ANXA11: variants seen among roughly 807,000 people sequenced by gnomAD.
ANXA11 encodes the protein annexin A11, also known as 56 kDa autoantigen.
Under a neutral mutation model 64.7 loss-of-function variants are expected in ANXA11, and 57 were observed. The ratio of observed to expected loss-of-function variants is 0.88; its 90% CI spans 0.71 to 1.10. The LOEUF (loss-of-function observed/expected upper bound fraction) is 1.10, where lower values mean the gene tolerates loss of function less well. ANXA11 is among the 50% of genes least tolerant of loss of function. The probability of loss-of-function intolerance (pLI) is 0.00; values close to 1 mark genes in which losing one functional copy is unlikely to be tolerated. For missense variants in ANXA11, 675 were observed against 670.7 expected (o/e 1.01, Z -0.07); for synonymous variants, 260 against 265.2 (o/e 0.98, Z 0.19).
intron 3 of ANXA11, 89 bp downstream of exon 3, chr10:80,172,718 G>A: frequency 7.7e-7 from 1 of 1,304,554 alleles, no homozygotes; most frequent in Non-Finnish European, 1.1e-6. Context: ...GGGAGGAGGG[G>A]AGTGAGGAAA....
At chr10:80,198,945 C>T (rs1840290120) in intron 1 of ANXA11, among the ~76,000 whole-genome samples, 1 of 152,152 alleles carries the variant, frequency 6.6e-6, no homozygotes, top group Admixed American at 6.5e-5. Context: ...GGTATGTCAA[C>T]AGTCAGAATT....
intron 1 of ANXA11, among the ~76,000 whole-genome samples, chr10:80,203,531 A>G (rs1281898307): frequency 6.6e-6 from 1 of 152,176 alleles, no homozygotes; most frequent in Non-Finnish European, 1.5e-5. Context: ...TCAACTAACG[A>G]CAACTAATTT....
rs1039018387 is a variant in ANXA11, at chr10:80,168,257, G to T, written c.561+712C>A. 2.0e-5 allele frequency among the ~76,000 whole-genome samples: 3 copies of T among 146,834 alleles called. No individual in the cohort carries two copies. The East Asian group carries it at 5.9e-4, about 29-fold the overall frequency. On this transcript the variant is annotated intron_variant, in intron 5 of 15. Coordinates refer to ENST00000422982, the MANE Select transcript of ANXA11 (RefSeq NM_145868.2). ...CCTCCAAAACCTGTCTGTGCCGGGG[G>T]GGGCGGGGGTGGTGCATATCAAGGG... is the stretch of plus-strand genomic sequence containing the variant.
chr10:80,178,421 C>T lies in ANXA11; in HGVS notation c.-57-2266G>A, dbSNP rs373320731. Among the ~76,000 whole-genome samples the T allele has an allele frequency of 1.4e-4, 21 of 152,346 alleles. No individual in the cohort carries two copies. In the South Asian group the frequency reaches 4.3e-3, roughly 32 times the overall value. On this transcript the variant is annotated intron_variant, in intron 1 of 15. Transcript: ENST00000422982. ...CTCACTGGAGAGGGCCTCCTGCACA[C>T]AGCAGGCAGCTGGCCTCCTTAAGGA...
At chr10:80,201,638 G>A (rs955958063) in intron 1 of ANXA11, among the ~76,000 whole-genome samples, 10 of 152,180 alleles carry the variant, frequency 6.6e-5, no homozygotes, top group Admixed American at 2.6e-4. Flanking sequence ...CACGCAGGGC[G>A]AGGCCAACAG....
At position 80,152,139 on chromosome 10, in the gene ANXA11, G is replaced by A. The variant is rs1429530867; in HGVS notation, c.*3714C>T. The stretch of plus-strand genomic sequence containing the variant: ...AGCTGCTGAAAATTCTCTCAGGGCT[G>A]AATTCATCTGGTGCTTCTATTTTAG... On this transcript the variant is annotated 3_prime_UTR_variant, in exon 16 of 16. Transcript: ENST00000422982. 6.6e-6 allele frequency: 1 copy of A among 152,232 alleles called. No homozygotes were observed. Among genetic ancestry groups the A allele is most frequent in the African/African-American group, 2.4e-5 (1 of 41,470 alleles). The allele number at this position is 152,232 out of a possible 1,614,324, so 9.4% of individuals were successfully genotyped here.
At chr10:80,160,553 T>G (rs1380428018) in intron 12 of ANXA11, among the ~76,000 whole-genome samples, 1 of 152,096 alleles carries the variant, frequency 6.6e-6, no homozygotes, top group African/African-American at 2.4e-5. Context: ...GTCACCATCC[T>G]CAGTCCTTGC....
intron 1 of ANXA11, among the ~76,000 whole-genome samples, chr10:80,200,419 T>G (rs1237933230): frequency 6.6e-6 from 1 of 152,192 alleles, no homozygotes; most frequent in African/African-American, 2.4e-5. Context: ...AATATGGAAT[T>G]TAAGACCAAA....
intron 12 of ANXA11, among the ~76,000 whole-genome samples, chr10:80,159,851 C>T (rs1448844517): frequency 6.6e-6 from 1 of 152,222 alleles, no homozygotes; most frequent in Non-Finnish European, 1.5e-5. Context: ...TCAAATCCTC[C>T]ACACCTCCAG....
At chr10:80,202,611 G>C (rs1589459466) in intron 1 of ANXA11, among the ~76,000 whole-genome samples, 1 of 152,044 alleles carries the variant, frequency 6.6e-6, no homozygotes, top group African/African-American at 2.4e-5. Flanking sequence ...GGGATCAGAG[G>C]GTGTTGCAGA....
chr10:80,181,271 T>C (rs988845698), intron 1 of ANXA11: 2 of 152,046 alleles, frequency 1.3e-5, no homozygotes, highest in African/African-American at 4.8e-5. Context: ...GGCAACATAA[T>C]GAGACCCTGT....
At chr10:80,191,613 C>T (rs887372210) in intron 1 of ANXA11, among the ~76,000 whole-genome samples, 8 of 152,096 alleles carry the variant, frequency 5.3e-5, no homozygotes, top group African/African-American at 1.9e-4. Context: ...TTTCCAACGG[C>T]ACAAGGAGGA....
chr10:80,168,227 A>C (rs909027267), intron 5 of ANXA11, among the ~76,000 whole-genome samples: 1 of 133,374 alleles, frequency 7.5e-6, no homozygotes, highest in Non-Finnish European at 1.7e-5. Flanking sequence ...GGGAATTTTA[A>C]TAATCCTCCA....
At chr10:80,172,398 A>G (rs912293836) in intron 3 of ANXA11, among the ~76,000 whole-genome samples, 36 of 152,130 alleles carry the variant, frequency 2.4e-4, no homozygotes, top group African/African-American at 8.2e-4. Context: ...TCACCTAGCA[A>G]TGCTTTGGAG....
intron 1 of ANXA11, among the ~76,000 whole-genome samples, chr10:80,188,511 A>ATATATATATATATG (rs1554834982): frequency 0.053 from 6,609 of 125,288 alleles, 483 homozygotes; most frequent in Non-Finnish European, 0.068. Flanking sequence ...ATATATATAT[A>ATATATATATATATG]GCACTACAAC....
intron 1 of ANXA11, among the ~76,000 whole-genome samples, chr10:80,199,589 T>C (rs1002543892): frequency 6.6e-6 from 1 of 152,142 alleles, no homozygotes; most frequent in Non-Finnish European, 1.5e-5. Flanking sequence ...GCAGATTACT[T>C]GAGCCCAGGA....
intron 1 of ANXA11, among the ~76,000 whole-genome samples, chr10:80,179,753 G>T (rs1311480865): frequency 1.3e-5 from 2 of 152,164 alleles, no homozygotes; most frequent in African/African-American, 2.4e-5. Flanking sequence ...AGGTGGAGGT[G>T]GTTAGGAAGG....
rs1845178243 is a variant in ANXA11, at chr10:80,152,688, C to T, written c.*3165G>A. 1 of 152,492 alleles carries T rather than the reference C, an allele frequency of 6.6e-6. No individual in the cohort carries two copies. Among genetic ancestry groups the T allele is most frequent in the African/African-American group, 2.4e-5 (1 of 41,448 alleles). 9.4% of individuals were successfully genotyped at this position (152,492 alleles called of 1,614,324 possible). The stretch of plus-strand genomic sequence containing the variant: ...TGTCCACCTTTACCTAGGCTGTCTT[C>T]TCCAGATCTGCAGCTCCTCTCAGCA... On this transcript the variant is annotated 3_prime_UTR_variant, in exon 16 of 16. Coordinates refer to ENST00000422982, the MANE Select transcript of ANXA11 (RefSeq NM_145868.2).
At chr10:80,164,187 A>G (rs749286451) in intron 8 of ANXA11, 44 bp from the exon 9 acceptor site, 2 of 1,517,072 alleles carry the variant, frequency 1.3e-6, no homozygotes, top group Non-Finnish European at 1.8e-6. Context: ...TTGTTCCAGC[A>G]GCCTCACCAG....
Sources: gnomAD v4.1 joint callset for allele counts (sites outside exome capture counted in the v4.1 genomes callset) on GRCh38, gnomAD v4.1.1 for gene constraint, MANE v1.5 for transcripts, NCBI Gene and HGNC (gene_info 2026-07-23, HGNC 2026-07-21) for gene names.